Variants in GPR149 observed in about 807,000 individuals in gnomAD.
GPR149 encodes probable G protein-coupled receptor 149.
Under a neutral mutation model 50.2 loss-of-function variants are expected in GPR149, and 50 were observed. That is an observed-to-expected ratio of 1.00 (90% CI 0.79 to 1.26). GPR149 has a LOEUF of 1.26. GPR149 is among the 50% of genes most tolerant of loss of function. GPR149 has a pLI of 0.00. For synonymous variants in GPR149, 405 were observed against 358.2 expected, an observed-to-expected ratio of 1.13 and a Z score of -1.48; for missense variants, 983 against 895.4, an observed-to-expected ratio of 1.10 and a Z score of -1.25.
chr3:154,371,661 CT>C (rs1714665355), intron 3 of GPR149, among the ~76,000 whole-genome samples: 1 of 152,208 alleles, frequency 6.6e-6, no homozygotes, highest in Non-Finnish European at 1.5e-5. Context: ...AAAGGAGGAA[CT>C]TGCCTCTTCT....
intron 3 of GPR149, among the ~76,000 whole-genome samples, chr3:154,356,986 A>G (rs549109206): frequency 1.3e-5 from 2 of 152,346 alleles, no homozygotes; most frequent in African/African-American, 4.8e-5. Context: ...AAACAGAGAT[A>G]TAGACCAATG....
At chr3:154,351,313 C>CAAA (rs71155003) in intron 3 of GPR149, among the ~76,000 whole-genome samples, 80 of 75,560 alleles carry the variant, frequency 1.1e-3, no homozygotes, top group Non-Finnish European at 1.5e-3. Flanking sequence ...CATCCACATA[C>CAAA]AAAAAAAAAA....
chr3:154,407,693 T>TACAC (rs1175398541), intron 3 of GPR149, among the ~76,000 whole-genome samples: 15,247 of 139,994 alleles, frequency 0.11, 927 homozygotes, highest in East Asian at 0.2. Flanking sequence ...GTCATGTGTA[T>TACAC]ACACACACAC....
At chr3:154,414,593 A>G (rs1299324664) in intron 3 of GPR149, among the ~76,000 whole-genome samples, 2 of 152,052 alleles carry the variant, frequency 1.3e-5, no homozygotes, top group African/African-American at 4.8e-5. Context: ...AACTTTACAT[A>G]GAGAAATCTG....
intron 3 of GPR149, chr3:154,352,656 T>C (rs1714108537): frequency 7.7e-6 from 6 of 778,810 alleles, no homozygotes; most frequent in South Asian, 2.7e-5. Context: ...TTGCAGCCAA[T>C]GCATCCACTG....
intron 3 of GPR149, among the ~76,000 whole-genome samples, chr3:154,415,083 G>A (rs1203662378): frequency 6.6e-6 from 1 of 151,844 alleles, no homozygotes; most frequent in Non-Finnish European, 1.5e-5. Flanking sequence ...TCATGTATTA[G>A]TTCACAATAA....
rs558926157 is a variant in GPR149 at position 154,385,708 on chromosome 3, T to C, written c.1623+35331A>G. ...AATTTCTTTCTTTCTTTCTTTCTTT[T>C]TTTTTTTTTTTTATAAGGAGTCTTG... On this transcript the variant is annotated intron_variant, in intron 3 of 3. Transcript: ENST00000389740. Among the ~76,000 whole-genome samples the C allele has an allele frequency of 1.5e-3, 220 of 149,990 alleles. 1 individual carries two copies. The highest frequency in any genetic ancestry group is 4.8e-3 in the African/African-American group (197 of 41,098).
At chr3:154,367,646 G>T (rs1263374198) in intron 3 of GPR149, among the ~76,000 whole-genome samples, 3 of 152,104 alleles carry the variant, frequency 2.0e-5, no homozygotes, top group Non-Finnish European at 4.4e-5. Flanking sequence ...ACCCACTTGG[G>T]ACACCTTCCA....
intron 3 of GPR149, among the ~76,000 whole-genome samples, chr3:154,362,145 C>A (rs369078908): frequency 6.6e-6 from 1 of 151,770 alleles, no homozygotes; most frequent in Non-Finnish European, 1.5e-5. Context: ...AAAAATTAGC[C>A]GGGCGTGGTG....
Position 154,337,675 on chromosome 3 carries a change from TG to T in GPR149, c.*23del. On this transcript the variant is annotated 3_prime_UTR_variant, in exon 4 of 4. Coordinates refer to ENST00000389740, the MANE Select transcript of GPR149 (RefSeq NM_001038705.3). ...ACAGTTGACGTTGCAGATCCATTCTTGCTCCTGTTAGACCAAATACCCACTA... is the reference window on the plus strand; with the variant it reads ...ACAGTTGACGTTGCAGATCCATTCTTCTCCTGTTAGACCAAATACCCACTA... 1.3e-6 allele frequency: 2 copies of T among 1,517,726 alleles called. No homozygotes were observed. Among genetic ancestry groups the T allele is most frequent in the Non-Finnish European group, 1.8e-6 (2 of 1,125,878 alleles). 94.0% of individuals were successfully genotyped at this position (1,517,726 alleles called of 1,614,324 possible).
intron 3 of GPR149, among the ~76,000 whole-genome samples, chr3:154,418,842 T>A (rs1211000047): frequency 6.6e-6 from 1 of 151,974 alleles, no homozygotes; most frequent in Non-Finnish European, 1.5e-5. Context: ...AGGTCACTAT[T>A]CAACTTTGAC....
intron 2 of GPR149, 69 bp from the exon 3 acceptor site, chr3:154,421,556 CAAATAA>C: frequency 1.4e-6 from 1 of 718,338 alleles, no homozygotes; most frequent in Non-Finnish European, 2.1e-6. Flanking sequence ...ATATATATAG[CAAATAA>C]AAATAGAAAG....
chr3:154,364,837 G>A (rs1259057254), intron 3 of GPR149, among the ~76,000 whole-genome samples: 1 of 152,176 alleles, frequency 6.6e-6, no homozygotes, highest in Admixed American at 6.5e-5. Context: ...CCTGCAAGCT[G>A]GGATTGCACT....
chr3:154,407,693 T>TACACACACACACACACAC (rs1175398541), intron 3 of GPR149, among the ~76,000 whole-genome samples: 30,495 of 139,298 alleles, frequency 0.22, 3,548 homozygotes, highest in Middle Eastern at 0.26. Flanking sequence ...GTCATGTGTA[T>TACACACACACACACACAC]ACACACACAC....
chr3:154,424,286 T>G (rs1712233741), intron 2 of GPR149, among the ~76,000 whole-genome samples: 1 of 151,864 alleles, frequency 6.6e-6, no homozygotes. Flanking sequence ...GCTAGACACA[T>G]AGTGACTTTT....
intron 3 of GPR149, among the ~76,000 whole-genome samples, chr3:154,396,522 T>C (rs952310344): frequency 2.0e-5 from 3 of 152,300 alleles, no homozygotes; most frequent in South Asian, 2.1e-4. Flanking sequence ...TGGTAGGGTG[T>C]CATTTTTAGA....
intron 3 of GPR149, among the ~76,000 whole-genome samples, chr3:154,368,877 G>A (rs909460874): frequency 2.1e-4 from 32 of 152,198 alleles, no homozygotes; most frequent in African/African-American, 7.5e-4. Flanking sequence ...AGCATCAGTG[G>A]TGCCCCAGAC....
intron 3 of GPR149, among the ~76,000 whole-genome samples, chr3:154,383,874 C>T (rs764554755): frequency 3.9e-5 from 6 of 152,060 alleles, no homozygotes; most frequent in African/African-American, 4.8e-5. Context: ...CCTTTCTCTA[C>T]CATGCGACGA....
At chr3:154,416,264 A>C (rs989099656) in intron 3 of GPR149, among the ~76,000 whole-genome samples, 1 of 151,888 alleles carries the variant, frequency 6.6e-6, no homozygotes, top group Non-Finnish European at 1.5e-5. Flanking sequence ...AGCCATTAGA[A>C]TCTAAAGCAG....
Sources: allele counts gnomAD v4.1 joint callset (sites outside exome capture counted in the v4.1 genomes callset), GRCh38; gene constraint gnomAD v4.1.1; transcripts MANE v1.5; gene names NCBI Gene and HGNC (gene_info 2026-07-23, HGNC 2026-07-21).